ABI3BP: variants seen among roughly 807,000 people sequenced by gnomAD.
ABI3BP encodes the protein ABI family member 3 binding protein, also known as target of Nesh-SH3.
In ABI3BP, 216 loss-of-function variants were observed where a neutral mutation model predicts 268.6. That is an observed-to-expected ratio of 0.80 (90% CI 0.72 to 0.90). The LOEUF is 0.90. Ranked by LOEUF, ABI3BP falls within the 40% of genes least tolerant of loss-of-function variation. The probability of loss-of-function intolerance (pLI) is 0.00; values close to 1 mark genes in which losing one functional copy is unlikely to be tolerated. For synonymous variants in ABI3BP, 730 were observed against 730.0 expected (o/e 1.00, Z 0.00); for missense variants, 2,090 against 2,182.4 (o/e 0.96, Z 0.84).
rs780903653 is a variant in ABI3BP, at chr3:100,828,441, T to C, written c.2554A>G (p.Ile852Val). 16 of 1,535,040 alleles carry C rather than the reference T, an allele frequency of 1.0e-5. No individual in the cohort carries two copies. The South Asian group carries it at 1.9e-4, about 18-fold the overall frequency. ...TTTATAGGAGAAACTGGTTCAAAGA[T>C]TGTAGCAGGAACTGGCCAAAAATAA... ...ELQTELVPATIFEPVSPIKEA... is the reference protein window; with the variant it reads ...ELQTELVPATVFEPVSPIKEA... The change falls in exon 34 of 68, where the codon ATC becomes GTC. Residue 852 changes from isoleucine to valine, a missense_variant. Physicochemically the swap from Ile to Val is conservative, Grantham distance 29. Coordinates refer to ENST00000471714, the MANE Select transcript of ABI3BP (RefSeq NM_001375547.2).
In ABI3BP at chr3:100,926,451, T is replaced by C. The variant is rs1234097840; in HGVS notation, c.110A>G (p.Asn37Ser). Residue 37 changes from asparagine to serine, a missense_variant, in exon 2 of 68, where the codon AAT (asparagine) becomes AGT (serine). By Grantham distance (46) the Asn-to-Ser change is conservative (BLOSUM62 1). Coordinates refer to ENST00000471714, the MANE Select transcript of ABI3BP (RefSeq NM_001375547.2). ...GKRPNLKVHI[N>S]TTSDSILLKF... ...CAAGAGGATGGAGTCACTTGTGGTATTGATGTGGACTTTGAGGTTTGGCCT... is the reference window on the plus strand; with the variant it reads ...CAAGAGGATGGAGTCACTTGTGGTACTGATGTGGACTTTGAGGTTTGGCCT... 2.5e-6 allele frequency: 4 copies of C among 1,613,234 alleles called. No homozygotes were observed. The African/African-American group carries it at 4.0e-5, about 16-fold the overall frequency.
intron 2 of ABI3BP, among the ~76,000 whole-genome samples, chr3:100,924,605 G>A (rs1324987033): frequency 6.6e-6 from 1 of 151,902 alleles, no homozygotes; most frequent in African/African-American, 2.4e-5. Flanking sequence ...CTCTTTCCTT[G>A]GTTGTCTGAA....
At chr3:100,752,115 T>C (rs1215529689) in intron 66 of ABI3BP, among the ~76,000 whole-genome samples, 1 of 152,238 alleles carries the variant, frequency 6.6e-6, no homozygotes, top group Non-Finnish European at 1.5e-5. Flanking sequence ...TAGCTAGTGC[T>C]AACTAACTTT....
chr3:100,823,481 C>G lies in ABI3BP; in HGVS notation c.2780G>C (p.Arg927Thr), dbSNP rs1560467321. Residue 927 changes from arginine to threonine, a missense_variant, in exon 37 of 68, where the codon AGA becomes ACA. Transcript: ENST00000471714. ...PATVLEPVTL[R>T]PEASTTLASK... ...ACCTAATGTTGTTGAGGCCTCAGGT[C>G]TAAGAGTGACAGGTTCTAGGACTGT... The G allele has an allele frequency of 2.0e-6, 3 of 1,534,870 alleles. No homozygotes were observed. The East Asian group carries it at 7.3e-5, about 38-fold the overall frequency.
intron 1 of ABI3BP, among the ~76,000 whole-genome samples, chr3:100,954,573 AACTG>A (rs1042190026): frequency 2.0e-5 from 3 of 152,222 alleles, no homozygotes; most frequent in African/African-American, 7.2e-5. Context: ...AGTAGCAATA[AACTG>A]ACTATGTTAA....
intron 14 of ABI3BP, among the ~76,000 whole-genome samples, chr3:100,858,968 G>A (rs968090081): frequency 6.6e-6 from 1 of 152,106 alleles, no homozygotes; most frequent in Non-Finnish European, 1.5e-5. Flanking sequence ...TAATTATGAA[G>A]ACATTCAATC....
chr3:100,964,462 C>A (rs1034051852), intron 1 of ABI3BP, among the ~76,000 whole-genome samples: 2 of 152,150 alleles, frequency 1.3e-5, no homozygotes, highest in Non-Finnish European at 2.9e-5. Context: ...CTATGGAGAG[C>A]GCTGTTGTTC....
In ABI3BP at chr3:100,866,937, T is replaced by C. The variant is rs1249211334; in HGVS notation, c.930A>G (p.Ala310=). Residue 310 remains alanine (A), a synonymous_variant, in exon 10 of 68, where the codon GCA becomes GCG. Transcript: ENST00000471714. ...CTGGTGTTTTAGATTCGGCAGGTAA[T>C]GCCAAGGTTTCATTCTTAGCTAAAA... ...KTQLAKNETL[A]LPAESKTPEV... 5 of 1,613,738 alleles carry C rather than the reference T, an allele frequency of 3.1e-6. No homozygotes were observed. Among genetic ancestry groups the C allele is most frequent in the African/African-American group, 1.3e-5 (1 of 74,928 alleles).
At chr3:100,923,716 A>G (rs775760060) in intron 2 of ABI3BP, among the ~76,000 whole-genome samples, 3 of 152,232 alleles carry the variant, frequency 2.0e-5, no homozygotes, top group Non-Finnish European at 4.4e-5. Context: ...ATGGAAAATT[A>G]AAAAGCAGAT....
rs2095469333 is a variant in ABI3BP, at chr3:100,753,807, A to G, written c.4960+12T>C. Reference sequence around the variant, plus strand: ...AAGCATGTAGTTGTGCCTCATTGAGACAGGTACTTACCAGAAACTGGCTCA... The same window carrying G: ...AAGCATGTAGTTGTGCCTCATTGAGGCAGGTACTTACCAGAAACTGGCTCA... On this transcript the variant is annotated intron_variant, in intron 65 of 67. Coordinates refer to ENST00000471714, the MANE Select transcript of ABI3BP (RefSeq NM_001375547.2). 9 of 1,610,862 alleles carry G rather than the reference A, an allele frequency of 5.6e-6. No individual in the cohort carries two copies. The highest frequency in any genetic ancestry group is 7.6e-6 in the Non-Finnish European group (9 of 1,178,678).
At chr3:100,783,174 G>T (rs1425704270) in intron 57 of ABI3BP, among the ~76,000 whole-genome samples, 2 of 152,160 alleles carry the variant, frequency 1.3e-5, no homozygotes, top group Admixed American at 1.3e-4. Context: ...ATGGATGATT[G>T]GTTTCTGCAC....
intron 1 of ABI3BP, among the ~76,000 whole-genome samples, chr3:100,961,420 G>T (rs1384751513): frequency 6.6e-6 from 1 of 152,168 alleles, no homozygotes; most frequent in Admixed American, 6.5e-5. Context: ...CTATTCAAAA[G>T]ATTGAGAAAT....
intron 27 of ABI3BP, 76 bp downstream of exon 27, chr3:100,837,048 T>C (rs769971511): frequency 1.3e-5 from 17 of 1,330,570 alleles, no homozygotes; most frequent in South Asian, 4.1e-5. Flanking sequence ...ATTGTGCATA[T>C]TATAGCTAAT....
intron 1 of ABI3BP, among the ~76,000 whole-genome samples, chr3:100,942,586 T>C (rs1037411386): frequency 6.6e-6 from 1 of 152,084 alleles, no homozygotes; most frequent in Non-Finnish European, 1.5e-5. Context: ...TGAAAATTCA[T>C]GGAGATGATT....
At chr3:100,845,877 A>G (rs1580238669) in intron 20 of ABI3BP, among the ~76,000 whole-genome samples, 2 of 151,782 alleles carry the variant, frequency 1.3e-5, no homozygotes, top group African/African-American at 4.8e-5. Flanking sequence ...AAACACCACT[A>G]AAAATTCCTA....
chr3:100,908,461 CA>C (rs1332176638), intron 2 of ABI3BP, among the ~76,000 whole-genome samples: 1 of 151,978 alleles, frequency 6.6e-6, no homozygotes, highest in Non-Finnish European at 1.5e-5. Context: ...CCTAGGAATC[CA>C]ACTTACAAGG....
intron 2 of ABI3BP, among the ~76,000 whole-genome samples, chr3:100,926,031 T>A (rs931144579): frequency 6.6e-6 from 1 of 152,136 alleles, no homozygotes; most frequent in Non-Finnish European, 1.5e-5. Flanking sequence ...AGAGACTTAA[T>A]CCCAGACATT....
At chr3:100,832,142 C>A in intron 31 of ABI3BP, 122 bp downstream of exon 31, 5 of 860,990 alleles carry the variant, frequency 5.8e-6, no homozygotes, top group Non-Finnish European at 8.6e-6. Context: ...CCTCACTAAC[C>A]AGTAGCTTTT....
At chr3:100,786,681 G>A (rs988321174) in intron 57 of ABI3BP, among the ~76,000 whole-genome samples, 13 of 152,238 alleles carry the variant, frequency 8.5e-5, no homozygotes, top group African/African-American at 2.2e-4. Context: ...AGGTGGCTCC[G>A]TTTACAGCCA....
Sources: allele counts gnomAD v4.1 joint callset (sites outside exome capture counted in the v4.1 genomes callset), GRCh38; gene constraint gnomAD v4.1.1; transcripts MANE v1.5; gene names NCBI Gene and HGNC (gene_info 2026-07-23, HGNC 2026-07-21).